Variants in RRM2B observed in about 807,000 individuals in gnomAD.
RRM2B encodes ribonucleotide reductase regulatory TP53 inducible subunit M2B.
Under a neutral mutation model 45.9 loss-of-function variants are expected in RRM2B, and 20 were observed. The ratio of observed to expected loss-of-function variants is 0.44; its 90% confidence interval spans 0.31 to 0.63. RRM2B has a LOEUF of 0.63. Ranked by LOEUF, RRM2B falls within the 30% of genes least tolerant of loss-of-function variation. The pLI, the probability that RRM2B is intolerant of heterozygous loss-of-function variation, is 0.09. For synonymous variants in RRM2B, 124 were observed against 132.3 expected, an observed-to-expected ratio of 0.94 and a Z score of 0.43; for missense variants, 320 against 414.7, an observed-to-expected ratio of 0.77 and a Z score of 1.98.
chr8:102,220,717 C>G (rs1024620303), intron 5 of RRM2B, among the ~76,000 whole-genome samples: 1 of 152,080 alleles, frequency 6.6e-6, no homozygotes, highest in Non-Finnish European at 1.5e-5. Context: ...ATTATAGGCA[C>G]AAGCCACTGT....
At chr8:102,226,090 G>C in intron 2 of RRM2B, 56 bp from the exon 3 acceptor site, 5 of 1,061,718 alleles carry the variant, frequency 4.7e-6, no homozygotes, top group African/African-American at 1.6e-5. Flanking sequence ...TTCTCAAAGT[G>C]TTTGGGAAAC....
In RRM2B at chr8:102,205,663, A is replaced by G. The variant is rs1310295016; in HGVS notation, c.*2470T>C. On this transcript the variant is annotated 3_prime_UTR_variant, in exon 9 of 9. Transcript: ENST00000251810. ...ACTTTATTATAGCAATGATTTAAAT[A>G]CATGTACTGTAAAAAAGAGAAAACA... 1 of 152,138 alleles carries G rather than the reference A, an allele frequency of 6.6e-6. No homozygotes were observed. The highest frequency in any genetic ancestry group is 1.9e-4 in the East Asian group (1 of 5,198). The allele number at this position is 152,138 out of a possible 1,614,324, so 9.4% of individuals were successfully genotyped here.
intron 2 of RRM2B, among the ~76,000 whole-genome samples, chr8:102,227,815 T>C (rs796432855): frequency 6.8e-4 from 104 of 152,276 alleles, no homozygotes; most frequent in African/African-American, 2.3e-3. Flanking sequence ...TATCCTGACA[T>C]AGCAGAGAGA....
chr8:102,219,002 T>C (rs1810782119), intron 5 of RRM2B, 55 bp from the exon 6 acceptor site: 7 of 1,521,882 alleles, frequency 4.6e-6, no homozygotes, highest in Non-Finnish European at 5.5e-6. Context: ...CATTTGCATA[T>C]ATATATATAC....
intron 2 of RRM2B, among the ~76,000 whole-genome samples, chr8:102,226,814 A>C (rs1405484866): frequency 3.3e-5 from 5 of 152,210 alleles, no homozygotes; most frequent in South Asian, 2.1e-4. Flanking sequence ...CCCAGGTTCA[A>C]GCAATCCTCC....
chr8:102,216,905 T>G (rs1810739876), intron 6 of RRM2B, among the ~76,000 whole-genome samples: 1 of 152,100 alleles, frequency 6.6e-6, no homozygotes, highest in Non-Finnish European at 1.5e-5. Flanking sequence ...TAGATGGGGC[T>G]GAAAATTGTT....
chr8:102,220,644 C>T (rs925217888), intron 5 of RRM2B, among the ~76,000 whole-genome samples: 3 of 152,124 alleles, frequency 2.0e-5, no homozygotes, highest in African/African-American at 7.2e-5. Context: ...CTCTACGTTG[C>T]CCTGGCTGGT....
intron 8 of RRM2B, among the ~76,000 whole-genome samples, chr8:102,208,909 G>A (rs553607291): frequency 5.9e-5 from 9 of 152,202 alleles, no homozygotes. Flanking sequence ...AGCACTTTGG[G>A]AGGCCGAGGT....
chr8:102,210,926 T>C (rs1810624262), intron 8 of RRM2B, among the ~76,000 whole-genome samples: 1 of 152,176 alleles, frequency 6.6e-6, no homozygotes, highest in African/African-American at 2.4e-5. Context: ...ATAGTAATCA[T>C]ATTGTCATTT....
At chr8:102,228,559 C>T (rs182307509) in intron 2 of RRM2B, among the ~76,000 whole-genome samples, 9 of 152,350 alleles carry the variant, frequency 5.9e-5, no homozygotes, top group Admixed American at 4.6e-4. Flanking sequence ...AAGCCATCTG[C>T]GGACAGCAAA....
chr8:102,217,685 A>T (rs778041480), intron 6 of RRM2B, among the ~76,000 whole-genome samples: 18 of 152,176 alleles, frequency 1.2e-4, no homozygotes, highest in Non-Finnish European at 2.4e-4. Flanking sequence ...GAGAAAGAAG[A>T]AGTACAATAC....
In RRM2B at chr8:102,204,779, T is replaced by C. The variant is rs1458381136; in HGVS notation, c.*3354A>G. ...GTAAATAGTAAATAACTTTGCTAAA[T>C]GGCCAGACATTTGAAAAAATGAAAA... On this transcript the variant is annotated 3_prime_UTR_variant, in exon 9 of 9. Coordinates refer to ENST00000251810, the MANE Select transcript of RRM2B (RefSeq NM_015713.5). The C allele has an allele frequency of 6.6e-6, 1 of 152,162 alleles. No homozygotes were observed. Among genetic ancestry groups the C allele is most frequent in the Non-Finnish European group, 1.5e-5 (1 of 68,012 alleles). 9.4% of individuals were successfully genotyped at this position (152,162 alleles called of 1,614,324 possible).
Position 102,232,214 on chromosome 8 carries a change from T to C in RRM2B, c.139A>G (p.Ile47Val), listed in dbSNP as rs1296237261. 9 of 1,614,040 alleles carry C rather than the reference T, an allele frequency of 5.6e-6. No individual in the cohort carries two copies. Among genetic ancestry groups the C allele is most frequent in the Admixed American group, 3.3e-5 (2 of 60,008 alleles). ...KSSRRFVIFP[I>V]QYPDIWKMYK... is the part of the protein sequence containing the mutation. ...ATTTTCCAAATATCAGGGTACTGGA[T>C]TGGAAAGATGACAAACCGGCGAGAA... The change falls in exon 2 of 9, where the codon ATC becomes GTC. Residue 47 changes from isoleucine (I) to valine (V), a missense_variant. By Grantham distance (29) the Ile-to-Val change is conservative. Around this residue, in one of 3 missense-constraint regions of RRM2B, gnomAD observed 225 missense variants for 289.4 expected, o/e 0.78. Transcript: ENST00000251810.
At chr8:102,232,069 A>T in intron 2 of RRM2B, 80 bp downstream of exon 2, 1 of 1,260,038 alleles carries the variant, frequency 7.9e-7, no homozygotes, top group Non-Finnish European at 1.2e-6. Flanking sequence ...TGTATAAGTT[A>T]AAGTTATTCA....
At chr8:102,211,673 A>C (rs1810637997) in intron 8 of RRM2B, among the ~76,000 whole-genome samples, 1 of 152,248 alleles carries the variant, frequency 6.6e-6, no homozygotes, top group Non-Finnish European at 1.5e-5. Context: ...ATATTGGTAA[A>C]AGTTATGAAC....
intron 2 of RRM2B, among the ~76,000 whole-genome samples, chr8:102,229,846 A>T (rs962214960): frequency 3.9e-5 from 6 of 152,178 alleles, no homozygotes; most frequent in African/African-American, 1.4e-4. Flanking sequence ...TAGCCTCCCA[A>T]AGTGCTTGGA....
intron 6 of RRM2B, among the ~76,000 whole-genome samples, chr8:102,215,045 TAA>T (rs3063793): frequency 0.063 from 3,885 of 61,822 alleles, 75 homozygotes; most frequent in Admixed American, 0.12. Context: ...AGCTAAATAT[TAA>T]AAAAAAAAAA....
chr8:102,238,593 G>T, intron 1 of RRM2B: 1 of 1,527,714 alleles, frequency 6.5e-7, no homozygotes, highest in Non-Finnish European at 8.8e-7. Context: ...GTCCTTGGCT[G>T]GCCCCGGGGC....
intron 2 of RRM2B, 125 bp from the exon 3 acceptor site, chr8:102,226,159 T>C (rs1264845162): frequency 4.4e-6 from 3 of 674,262 alleles, no homozygotes; most frequent in African/African-American, 1.8e-5. Context: ...AAAAGAAAGA[T>C]GTTAGCACTG....
Sources: gnomAD v4.1 joint callset for allele counts (sites outside exome capture counted in the v4.1 genomes callset) on GRCh38, gnomAD v4.1.1 for gene constraint, gnomAD v4.1.1 regional missense constraint, MANE v1.5 for transcripts, NCBI Gene and HGNC (gene_info 2026-07-23, HGNC 2026-07-21) for gene names.